The following SLC39A11 variants were observed in gnomAD, a reference collection of about 807,000 sequenced individuals.
SLC39A11 encodes the protein solute carrier family 39 member 11.
Under a neutral mutation model 36.1 loss-of-function variants are expected in SLC39A11, and 33 were observed. The ratio of observed to expected loss-of-function variants is 0.91; its 90% CI spans 0.69 to 1.22. SLC39A11 has a LOEUF of 1.22. Among genes scored for constraint, SLC39A11 ranks in the 50% most tolerant of loss-of-function variants. SLC39A11 has a pLI of 0.00. For synonymous variants in SLC39A11, 166 were observed against 170.3 expected, an observed-to-expected ratio of 0.97 and a Z score of 0.20; for missense variants, 432 against 430.3, an observed-to-expected ratio of 1.00 and a Z score of -0.03.
At chr17:72,695,134 T>C (rs1185700180) in intron 7 of SLC39A11, among the ~76,000 whole-genome samples, 2 of 152,178 alleles carry the variant, frequency 1.3e-5, no homozygotes, top group Non-Finnish European at 2.9e-5. Context: ...ACGGGAAGTC[T>C]GTTTTGAGTT....
At chr17:72,741,234 T>G (rs1294197686) in intron 6 of SLC39A11, among the ~76,000 whole-genome samples, 1 of 151,722 alleles carries the variant, frequency 6.6e-6, no homozygotes, top group Non-Finnish European at 1.5e-5. Context: ...TTTAAAAAAG[T>G]TTTTCATAGA....
intron 5 of SLC39A11, among the ~76,000 whole-genome samples, chr17:72,886,825 C>A (rs8078564): frequency 3.3e-5 from 5 of 152,030 alleles, no homozygotes; most frequent in African/African-American, 9.7e-5. Context: ...CGAATGCTCC[C>A]TGTGACCCGG....
chr17:72,868,322 C>A (rs1486943342), intron 5 of SLC39A11, among the ~76,000 whole-genome samples: 1 of 151,952 alleles, frequency 6.6e-6, no homozygotes, highest in South Asian at 2.1e-4. Flanking sequence ...GTTGGTATAA[C>A]TTTAACCTTA....
At chr17:72,974,597 T>G (rs1371343001) in intron 4 of SLC39A11, among the ~76,000 whole-genome samples, 1 of 152,232 alleles carries the variant, frequency 6.6e-6, no homozygotes, top group African/African-American at 2.4e-5. Flanking sequence ...TTTTACAAGC[T>G]GATAAGGTAA....
At chr17:73,074,979 G>A (rs549520493) in intron 3 of SLC39A11, among the ~76,000 whole-genome samples, 59 of 152,248 alleles carry the variant, frequency 3.9e-4, no homozygotes, top group African/African-American at 1.3e-3. Context: ...GAGATTCCTA[G>A]TTGGTTCAAG....
At chr17:72,676,805 T>C (rs1020027738) in intron 7 of SLC39A11, among the ~76,000 whole-genome samples, 4 of 152,194 alleles carry the variant, frequency 2.6e-5, no homozygotes, top group African/African-American at 9.7e-5. Context: ...ATGTGACCAG[T>C]ACCCTCAATA....
intron 4 of SLC39A11, among the ~76,000 whole-genome samples, chr17:72,953,393 G>A (rs955045701): frequency 6.6e-6 from 1 of 152,096 alleles, no homozygotes; most frequent in Non-Finnish European, 1.5e-5. Flanking sequence ...AGGTGAGGGG[G>A]CAGGAGGTAG....
intron 4 of SLC39A11, among the ~76,000 whole-genome samples, chr17:73,028,756 G>A (rs1055735865): frequency 2.0e-5 from 3 of 151,312 alleles, no homozygotes; most frequent in African/African-American, 7.3e-5. Context: ...CTTCCCTCTG[G>A]GATCTCCTCC....
At chr17:72,680,514 A>G (rs4528620) in intron 7 of SLC39A11, among the ~76,000 whole-genome samples, 131,433 of 152,194 alleles carry the variant, frequency 0.86, 57,064 homozygotes, top group African/African-American at 0.96. Flanking sequence ...CAGTTTCCCC[A>G]CACACACTCT....
intron 7 of SLC39A11, among the ~76,000 whole-genome samples, chr17:72,698,987 C>A (rs2072460846): frequency 6.6e-6 from 1 of 152,022 alleles, no homozygotes; most frequent in African/African-American, 2.4e-5. Flanking sequence ...CCCGCCACCA[C>A]ACCTAGATAA....
chr17:72,698,064 G>A (rs1031596286), intron 7 of SLC39A11, among the ~76,000 whole-genome samples: 17 of 152,200 alleles, frequency 1.1e-4, no homozygotes, highest in Non-Finnish European at 1.3e-4. Flanking sequence ...CTTGTTCTAC[G>A]CGGGCCTGGT....
rs967744032 is a variant in SLC39A11, at chr17:72,649,053, T to C, written c.771-92A>G. On this transcript the variant is annotated intron_variant, in intron 8 of 9. Transcript: ENST00000255559. ...TGTTGGCTCAACCCTAGCACATGGA[T>C]GCATGCCATTCTACGTCATATCTGA... The C allele has an allele frequency of 3.9e-6, 6 of 1,547,370 alleles. No homozygotes were observed. The Admixed American group carries it at 5.5e-5, about 14-fold the overall frequency.
At chr17:73,081,977 G>C (rs2060551892) in intron 3 of SLC39A11, among the ~76,000 whole-genome samples, 1 of 151,240 alleles carries the variant, frequency 6.6e-6, no homozygotes. Context: ...GGGGGGCTAG[G>C]GGTGAGCGAT....
chr17:72,865,226 C>T (rs9908524), intron 5 of SLC39A11, among the ~76,000 whole-genome samples: 7,576 of 151,940 alleles, frequency 0.05, 208 homozygotes, highest in Middle Eastern at 0.078. Flanking sequence ...TTACTGTCCA[C>T]ATGGAGGTAA....
At chr17:72,770,449 T>C (rs1274071737) in intron 6 of SLC39A11, among the ~76,000 whole-genome samples, 2 of 152,230 alleles carry the variant, frequency 1.3e-5, no homozygotes, top group Admixed American at 1.3e-4. Context: ...AGGACACTTT[T>C]GGCTCATGGG....
At chr17:72,981,427 G>T (rs563885255) in intron 4 of SLC39A11, among the ~76,000 whole-genome samples, 1 of 152,120 alleles carries the variant, frequency 6.6e-6, no homozygotes, top group South Asian at 2.1e-4. Flanking sequence ...TTACATTAAC[G>T]GAGAAAAGAT....
chr17:73,054,664 C>T (rs2059611713), intron 3 of SLC39A11, among the ~76,000 whole-genome samples: 1 of 151,702 alleles, frequency 6.6e-6, no homozygotes, highest in South Asian at 2.1e-4. Flanking sequence ...AAAAATTAGT[C>T]AGGTATGGTG....
chr17:72,755,258 T>G (rs2075326790), intron 6 of SLC39A11, among the ~76,000 whole-genome samples: 1 of 152,222 alleles, frequency 6.6e-6, no homozygotes, highest in Non-Finnish European at 1.5e-5. Context: ...GCAAGTAAAG[T>G]GCTAGTGAAG....
At chr17:73,039,365 C>T (rs1050062705) in intron 3 of SLC39A11, among the ~76,000 whole-genome samples, 11 of 152,280 alleles carry the variant, frequency 7.2e-5, no homozygotes, top group South Asian at 4.1e-4. Context: ...CCATGTCCCC[C>T]AGAACGTCGC....
Sources: allele counts gnomAD v4.1 joint callset (sites outside exome capture counted in the v4.1 genomes callset), GRCh38; gene constraint gnomAD v4.1.1; transcripts MANE v1.5; gene names NCBI Gene and HGNC (gene_info 2026-07-23, HGNC 2026-07-21).